The following EPB41L2 variants were observed in gnomAD, a reference collection of about 807,000 sequenced individuals.
EPB41L2 encodes band 4.1-like protein 2.
EPB41L2 carries 43 observed loss-of-function variants against 113.0 expected under a neutral mutation model. That is an observed-to-expected ratio of 0.38 (90% CI 0.30 to 0.49). The LOEUF (loss-of-function observed/expected upper bound fraction) is 0.49. Among genes scored for constraint, EPB41L2 ranks in the 20% least tolerant of loss-of-function variants. The pLI is 0.95. For synonymous variants in EPB41L2, 442 were observed against 436.7 expected, an observed-to-expected ratio of 1.01 and a Z score of -0.15; for missense variants, 1,147 against 1,223.4, an observed-to-expected ratio of 0.94 and a Z score of 0.93.
intron 1 of EPB41L2, among the ~76,000 whole-genome samples, chr6:131,004,769 T>C (rs911376259): frequency 2.6e-5 from 4 of 152,110 alleles, no homozygotes; most frequent in African/African-American, 9.7e-5. Context: ...TTTAAGCCTC[T>C]GCCCAAATCA....
intron 19 of EPB41L2, among the ~76,000 whole-genome samples, chr6:130,847,021 C>G (rs1777251961): frequency 6.6e-6 from 1 of 152,174 alleles, no homozygotes; most frequent in African/African-American, 2.4e-5. Context: ...TTCAGTCAAT[C>G]ATACACACTA....
intron 11 of EPB41L2, among the ~76,000 whole-genome samples, chr6:130,889,790 A>G (rs1199864955): frequency 2.0e-5 from 3 of 152,216 alleles, no homozygotes; most frequent in Admixed American, 1.3e-4. Context: ...CATCTCATAA[A>G]TGAGAACTCT....
chr6:131,036,903 G>A (rs1315227436), intron 1 of EPB41L2, among the ~76,000 whole-genome samples: 1 of 152,168 alleles, frequency 6.6e-6, no homozygotes, highest in East Asian at 1.9e-4. Flanking sequence ...ACTGAAACAA[G>A]GCCATCTTTT....
At chr6:130,956,669 C>T (rs7771543) in intron 1 of EPB41L2, among the ~76,000 whole-genome samples, 170 bp from the exon 2 acceptor site, 76,223 of 152,000 alleles carry the variant, frequency 0.5, 21,864 homozygotes, top group East Asian at 0.94. Context: ...GACTGTTGCT[C>T]GAACTTTTAG....
intron 4 of EPB41L2, among the ~76,000 whole-genome samples, chr6:130,916,578 T>C (rs1801161951): frequency 6.6e-6 from 1 of 152,222 alleles, no homozygotes; most frequent in Non-Finnish European, 1.5e-5. Flanking sequence ...TTTGAACACT[T>C]CTGGGACCAT....
intron 1 of EPB41L2, among the ~76,000 whole-genome samples, chr6:131,045,447 A>G (rs564712472): frequency 2.1e-5 from 3 of 144,358 alleles, no homozygotes; most frequent in African/African-American, 7.3e-5. Flanking sequence ...GCCTGGAGAG[A>G]GATATGAGTT....
chr6:130,886,208 G>A (rs1392354067), intron 11 of EPB41L2, among the ~76,000 whole-genome samples: 6 of 152,140 alleles, frequency 3.9e-5, no homozygotes, highest in Admixed American at 2.0e-4. Flanking sequence ...CTCTTGGAGG[G>A]CAGGATTGTG....
chr6:130,890,633 C>T (rs929263745), intron 10 of EPB41L2, among the ~76,000 whole-genome samples, 167 bp from the exon 11 acceptor site: 8 of 152,150 alleles, frequency 5.3e-5, no homozygotes, highest in Non-Finnish European at 2.9e-5. Flanking sequence ...AACCCTCCTA[C>T]ACACACAGCT....
intron 12 of EPB41L2, chr6:130,881,597 C>T (rs1489590524): frequency 1.3e-5 from 2 of 151,936 alleles, no homozygotes; most frequent in East Asian, 3.9e-4. Flanking sequence ...ATCACCAGGC[C>T]ACATTTAACA....
At chr6:130,973,187 CTTTTTTAAAAATTTTATTT>C (rs1329985419) in intron 1 of EPB41L2, among the ~76,000 whole-genome samples, 2 of 151,944 alleles carry the variant, frequency 1.3e-5, no homozygotes, top group Non-Finnish European at 2.9e-5. Flanking sequence ...CACTTTTTCA[CTTTTTTAAAAATTTTATTT>C]TGGTAAAAGT....
chr6:130,949,561 T>C (rs886748824), intron 3 of EPB41L2, among the ~76,000 whole-genome samples: 3 of 150,322 alleles, frequency 2.0e-5, no homozygotes, highest in African/African-American at 7.4e-5. Flanking sequence ...AGAGATCCTG[T>C]TGAAAAAAGA....
At chr6:130,940,489 G>A (rs1810440904) in intron 3 of EPB41L2, among the ~76,000 whole-genome samples, 1 of 149,620 alleles carries the variant, frequency 6.7e-6, no homozygotes, top group African/African-American at 2.5e-5. Flanking sequence ...TTTGGGAGAT[G>A]GAGTCTCACT....
chr6:130,942,698 A>T (rs533325139), intron 3 of EPB41L2, among the ~76,000 whole-genome samples: 2 of 152,266 alleles, frequency 1.3e-5, no homozygotes, highest in South Asian at 4.2e-4. Context: ...GGTTTGCTGC[A>T]CCCATTAACC....
chr6:131,031,307 TA>T (rs1050013848), intron 1 of EPB41L2, among the ~76,000 whole-genome samples: 1 of 151,420 alleles, frequency 6.6e-6, no homozygotes, highest in Non-Finnish European at 1.5e-5. Flanking sequence ...ATTTTTTTTT[TA>T]AAAAGCCATA....
chr6:130,922,336 G>C (rs1803127188), intron 4 of EPB41L2, among the ~76,000 whole-genome samples: 1 of 152,178 alleles, frequency 6.6e-6, no homozygotes, highest in African/African-American at 2.4e-5. Context: ...TTAAAGTCTT[G>C]CAAGGTGACT....
At chr6:130,908,119 T>TACCAAAAAAACAGCCACAGGC (rs1445307571) in intron 5 of EPB41L2, among the ~76,000 whole-genome samples, 1 of 152,084 alleles carries the variant, frequency 6.6e-6, no homozygotes, top group African/African-American at 2.4e-5. Context: ...TTGGCACAGA[T>TACCAAAAAAACAGCCACAGGC]ACCAAAAAAA....
chr6:130,857,452 C>T (rs1780605273), intron 19 of EPB41L2, among the ~76,000 whole-genome samples: 1 of 151,674 alleles, frequency 6.6e-6, no homozygotes, highest in African/African-American at 2.4e-5. Context: ...ATTTATTAAT[C>T]CTTTGCTTTT....
chr6:130,976,906 T>C (rs1778316355), intron 1 of EPB41L2, among the ~76,000 whole-genome samples: 1 of 152,214 alleles, frequency 6.6e-6, no homozygotes, highest in Non-Finnish European at 1.5e-5. Flanking sequence ...CACAAGAATC[T>C]ACTGGACATT....
chr6:131,006,430 G>C (rs991571989), intron 1 of EPB41L2, among the ~76,000 whole-genome samples: 1 of 151,594 alleles, frequency 6.6e-6, no homozygotes, highest in Non-Finnish European at 1.5e-5. Context: ...GGGAGGCCGA[G>C]GCAGGCAGAT....
Sources: allele counts gnomAD v4.1 joint callset (sites outside exome capture counted in the v4.1 genomes callset), GRCh38; gene constraint gnomAD v4.1.1; transcripts MANE v1.5; gene names NCBI Gene and HGNC (gene_info 2026-07-23, HGNC 2026-07-21).